The following GLUD2 variants were observed in gnomAD, a reference collection of about 807,000 sequenced individuals.
The protein encoded by GLUD2 is glutamate dehydrogenase 2, also known as glutamate dehydrogenase 2, mitochondrial.
In GLUD2, 11 loss-of-function variants were observed where a neutral mutation model predicts 16.2. The ratio of observed to expected loss-of-function variants is 0.68; its 90% CI spans 0.43 to 1.13. The LOEUF (loss-of-function observed/expected upper bound fraction) is 1.13. Among genes scored for constraint, GLUD2 ranks in the 50% most tolerant of loss-of-function variants. GLUD2 has a pLI of 0.00. For synonymous variants in GLUD2, 147 were observed against 181.9 expected (o/e 0.81, Z 1.55); for missense variants, 360 against 456.4 (o/e 0.79, Z 1.93).
rs1015893520 is a variant in GLUD2, at chrX:121,048,675, G to C, written c.991G>C (p.Gly331Arg). ...HRFGAKCIAVGESDGSIWNPD... is the reference protein window; with the variant it reads ...HRFGAKCIAVRESDGSIWNPD... ...TTTTGGTGCTAAATGTATTGCTGTT[G>C]GTGAGTCTGATGGGAGTATATGGAA... The change falls in exon 1 of 1, where the codon GGT becomes CGT. Residue 331 changes from glycine (G) to arginine (R), a missense_variant. By Grantham distance (125) the Gly-to-Arg change is moderately radical. Coordinates refer to ENST00000328078, the MANE Select transcript of GLUD2 (RefSeq NM_012084.4). The C allele has an allele frequency of 1.7e-5, 21 of 1,211,293 alleles. No individual in the cohort carries two copies. Among genetic ancestry groups the C allele is most frequent in the Non-Finnish European group, 2.3e-5 (21 of 895,055 alleles).
At position 121,049,283 on chromosome X, in the gene GLUD2, C is replaced by T. The variant is rs1346430553; in HGVS notation, c.1599C>T (p.Asp533=). The stretch of plus-strand genomic sequence containing the variant: ...CCATGAAGTATAACCTGGGATTGGA[C>T]CTGAGAACAGCTGCCTATGTCAATG... ...HTAMKYNLGL[D]LRTAAYVNAI... Residue 533 remains aspartate, a synonymous_variant, in exon 1 of 1, where the codon GAC becomes GAT. Coordinates refer to ENST00000328078, the MANE Select transcript of GLUD2 (RefSeq NM_012084.4). The T allele has an allele frequency of 2.5e-6, 3 of 1,209,775 alleles. No individual in the cohort carries two copies. Among genetic ancestry groups the T allele is most frequent in the Admixed American group, 4.4e-5 (2 of 45,816 alleles).
At position 121,047,733 on chromosome X, in the gene GLUD2, G is replaced by A; in HGVS notation, c.49G>A (p.Ala17Thr). The A allele has an allele frequency of 1.8e-6, 2 of 1,100,431 alleles. No homozygotes were observed. The highest frequency in any genetic ancestry group is 1.2e-6 in the Non-Finnish European group (1 of 840,534). 90.7% of individuals were successfully genotyped at this position (1,100,431 alleles called of 1,213,427 possible). ...GCTGCTGCCGTCCCGGGCCGGGCCC[G>A]CTGCCCTGGGCTCCGCGGCCAACCA... ...KALLPSRAGP[A>T]ALGSAANHSA... The change falls in exon 1 of 1, where the codon GCT becomes ACT. Residue 17 changes from alanine to threonine, a missense_variant. Around this residue, in one of 3 missense-constraint regions of GLUD2, gnomAD observed 58 missense variants for 49.9 expected, o/e 1.16. Transcript: ENST00000328078.
chrX:121,049,646 C>T lies in GLUD2; in HGVS notation c.*285C>T. ...TGCAGCCTTGCTCTGTGGCTTTTCC[C>T]AGCACAATCAGTGCTAGTGCTGGGG... On this transcript the variant is annotated 3_prime_UTR_variant, in exon 1 of 1. Transcript: ENST00000328078. 2.6e-6 allele frequency: 1 copy of T among 379,322 alleles called. No homozygotes were observed. Among genetic ancestry groups the T allele is most frequent in the Non-Finnish European group, 4.8e-6 (1 of 208,093 alleles). 31.3% of individuals were successfully genotyped at this position (379,322 alleles called of 1,213,427 possible). A position where few individuals can be genotyped will look rare whatever the true frequency, so the allele number is the denominator to read the frequency against.
chrX:121,048,192 T>G lies in GLUD2; in HGVS notation c.508T>G (p.Tyr170Asp). 1 of 1,211,982 alleles carries G rather than the reference T, an allele frequency of 8.3e-7. No homozygotes were observed. The highest frequency in any genetic ancestry group is 1.1e-6 in the Non-Finnish European group (1 of 895,565). Residue 170 changes from tyrosine (Y) to aspartate (D), a missense_variant, in exon 1 of 1, where the codon TAC becomes GAC. Around this residue, in one of 3 missense-constraint regions of GLUD2, gnomAD observed 279 missense variants for 352.9 expected, o/e 0.79. Coordinates refer to ENST00000328078, the MANE Select transcript of GLUD2 (RefSeq NM_012084.4). ...EVKALASLMT[Y>D]KCAVVDVPFG... ...AAAAGCTTTGGCTTCTCTGATGACATACAAGTGTGCAGTGGTTGATGTGCC... is the reference window on the plus strand; with the variant it reads ...AAAAGCTTTGGCTTCTCTGATGACAGACAAGTGTGCAGTGGTTGATGTGCC...
rs747571534 is a variant in GLUD2, at chrX:121,048,287, C to G, written c.603C>G (p.Ile201Met). 1 of 1,211,621 alleles carries G rather than the reference C, an allele frequency of 8.3e-7. No homozygotes were observed. Among genetic ancestry groups the G allele is most frequent in the Non-Finnish European group, 1.1e-6 (1 of 895,365 alleles). ...ATACCGAAAATGAATTGGAAAAGAT[C>G]ACAAGGAGGTTCACCATGGAGCTAG... is the stretch of plus-strand genomic sequence containing the variant. Reference protein sequence around the residue: ...KNYTENELEKITRRFTMELAK... With the variant: ...KNYTENELEKMTRRFTMELAK... The change falls in exon 1 of 1, where the codon ATC (isoleucine) becomes ATG (methionine). Residue 201 changes from isoleucine (I) to methionine (M), a missense_variant. Ile to Met is a conservative substitution (Grantham distance 10). Coordinates refer to ENST00000328078, the MANE Select transcript of GLUD2 (RefSeq NM_012084.4).
At position 121,048,523 on chromosome X, in the gene GLUD2, T is replaced by C; in HGVS notation, c.839T>C (p.Ile280Thr). The change falls in exon 1 of 1, where the codon ATT (isoleucine) becomes ACT (threonine). Residue 280 changes from isoleucine to threonine, a missense_variant. Physicochemically the swap from Ile to Thr is moderately conservative, Grantham distance 89. This residue lies in a region of GLUD2 where 279 missense variants were observed against 352.9 expected (regional missense o/e 0.79). Coordinates refer to ENST00000328078, the MANE Select transcript of GLUD2 (RefSeq NM_012084.4). Reference protein sequence around the residue: ...SATGRGVFHGIENFINEASYM... With the variant: ...SATGRGVFHGTENFINEASYM... ...ACTGGCCGTGGTGTCTTCCATGGGA[T>C]TGAAAACTTCATCAATGAAGCTTCT... 8.3e-7 allele frequency: 1 copy of C among 1,211,951 alleles called. No homozygotes were observed. The highest frequency in any genetic ancestry group is 1.1e-6 in the Non-Finnish European group (1 of 895,505).
chrX:121,048,789 G>A lies in GLUD2; in HGVS notation c.1105G>A (p.Gly369Arg). Residue 369 changes from glycine to arginine, a missense_variant, in exon 1 of 1, where the codon GGA becomes AGA. This residue lies in a region of GLUD2 where 279 missense variants were observed against 352.9 expected (regional missense o/e 0.79). Coordinates refer to ENST00000328078, the MANE Select transcript of GLUD2 (RefSeq NM_012084.4). ...LGFPKAKPYE[G>R]SILEVDCDIL... ...CTTCCCCAAGGCAAAGCCCTATGAA[G>A]GAAGCATCTTGGAGGTCGACTGTGA... 5 of 1,211,831 alleles carry A rather than the reference G, an allele frequency of 4.1e-6. No homozygotes were observed. The highest frequency in any genetic ancestry group is 5.6e-6 in the Non-Finnish European group (5 of 895,580).
chrX:121,047,690 C>A lies in GLUD2; in HGVS notation c.6C>A (p.Tyr2Ter). 1 of 1,089,860 alleles carries A rather than the reference C, an allele frequency of 9.2e-7. No homozygotes were observed. The highest frequency in any genetic ancestry group is 1.2e-6 in the Non-Finnish European group (1 of 832,130). The allele number at this position is 1,089,860 out of a possible 1,213,427, so 89.8% of individuals were successfully genotyped here. A position where few individuals can be genotyped will look rare whatever the true frequency, so the allele number is the denominator to read the frequency against. ...CCCCTCCTCCGCCTGCCGCGATGTACCGCTACCTGGCCAAAGCGCTGCTGC... is the reference window on the plus strand; with the variant it reads ...CCCCTCCTCCGCCTGCCGCGATGTAACGCTACCTGGCCAAAGCGCTGCTGC... M[Y>*]RYLAKALLPS... is the part of the protein sequence containing the mutation. The change falls in exon 1 of 1, where the codon TAC becomes TAA. Residue 2 changes from tyrosine (Y) to a stop codon, truncating the protein, a stop_gained. Coordinates refer to ENST00000328078, the MANE Select transcript of GLUD2 (RefSeq NM_012084.4). LOFTEE classifies it high-confidence loss of function.
chrX:121,049,015 A>C lies in GLUD2; in HGVS notation c.1331A>C (p.Lys444Thr). The change falls in exon 1 of 1, where the codon AAG becomes ACG. Residue 444 changes from lysine (K) to threonine (T), a missense_variant. Around this residue, in one of 3 missense-constraint regions of GLUD2, gnomAD observed 279 missense variants for 352.9 expected, o/e 0.79. Transcript: ENST00000328078. ...GVTVSYFEWLKNLNHVSYGRL... is the reference protein window; with the variant it reads ...GVTVSYFEWLTNLNHVSYGRL... ...ACAGTATCTTACTTTGAGTGGCTGA[A>C]GAATCTAAATCATGTCAGCTATGGC... is the stretch of plus-strand genomic sequence containing the variant. The C allele has an allele frequency of 1.7e-6, 2 of 1,211,757 alleles. No individual in the cohort carries two copies. Among genetic ancestry groups the C allele is most frequent in the Non-Finnish European group, 2.2e-6 (2 of 895,202 alleles).
Position 121,048,441 on chromosome X carries a change from G to T in GLUD2, c.757G>T (p.Ala253Ser), listed in dbSNP as rs1456325344. 9.1e-6 allele frequency: 11 copies of T among 1,211,437 alleles called. No homozygotes were observed. Among genetic ancestry groups the T allele is most frequent in the Non-Finnish European group, 1.1e-5 (10 of 895,450 alleles). The change falls in exon 1 of 1, where the codon GCC (alanine) becomes TCC (serine). Residue 253 changes from alanine to serine, a missense_variant. This residue lies in a region of GLUD2 where 279 missense variants were observed against 352.9 expected (regional missense o/e 0.79). Transcript: ENST00000328078. ...TIGHYDINAH[A>S]CVTGKPISQG... is the part of the protein sequence containing the mutation. ...AGGGCACTATGATATTAATGCACACGCCTGTGTTACTGGTAAACCCATCAG... is the reference window on the plus strand; with the variant it reads ...AGGGCACTATGATATTAATGCACACTCCTGTGTTACTGGTAAACCCATCAG...
Position 121,048,714 on chromosome X carries a change from G to T in GLUD2, c.1030G>T (p.Asp344Tyr), listed in dbSNP as rs750951438. The T allele has an allele frequency of 1.7e-6, 2 of 1,211,457 alleles. No homozygotes were observed. Among genetic ancestry groups the T allele is most frequent in the Admixed American group, 4.3e-5 (2 of 46,049 alleles). The change falls in exon 1 of 1, where the codon GAC becomes TAC. Residue 344 changes from aspartate to tyrosine, a missense_variant. Physicochemically the swap from Asp to Tyr is radical, Grantham distance 160 (BLOSUM62 -3). Transcript: ENST00000328078. Reference sequence around the variant, plus strand: ...GAGTATATGGAATCCAGATGGTATTGACCCAAAGGAACTGGAAGACTTCAA... The same window carrying T: ...GAGTATATGGAATCCAGATGGTATTTACCCAAAGGAACTGGAAGACTTCAA... ...DGSIWNPDGI[D>Y]PKELEDFKLQ...
At position 121,049,532 on chromosome X, in the gene GLUD2, A is replaced by G. The variant is rs12834131; in HGVS notation, c.*171A>G. On this transcript the variant is annotated 3_prime_UTR_variant, in exon 1 of 1. Transcript: ENST00000328078. ...CCGTTAAGGAGAAAGAAATTAATATACAAGCTGAGTGTGAAAGTAGAAATC... is the reference window on the plus strand; with the variant it reads ...CCGTTAAGGAGAAAGAAATTAATATGCAAGCTGAGTGTGAAAGTAGAAATC... 5.6e-6 allele frequency: 3 copies of G among 535,000 alleles called. No individual in the cohort carries two copies. The South Asian group carries it at 8.2e-5, about 15-fold the overall frequency. The allele number at this position is 535,000 out of a possible 1,213,427, so 44.1% of individuals were successfully genotyped here.
In GLUD2 at chrX:121,047,674, C is replaced by G; in HGVS notation, c.-11C>G. 9.4e-7 allele frequency: 1 copy of G among 1,058,360 alleles called. No individual in the cohort carries two copies. The highest frequency in any genetic ancestry group is 1.2e-6 in the Non-Finnish European group (1 of 813,066). 87.2% of individuals were successfully genotyped at this position (1,058,360 alleles called of 1,213,427 possible). The stretch of plus-strand genomic sequence containing the variant: ...CCGCGACCGTCACGCACCCCTCCTC[C>G]GCCTGCCGCGATGTACCGCTACCTG... On this transcript the variant is annotated 5_prime_UTR_variant, in exon 1 of 1. Coordinates refer to ENST00000328078, the MANE Select transcript of GLUD2 (RefSeq NM_012084.4).
rs1314141329 is a variant in GLUD2 at position 121,048,830 on chromosome X, T to C, written c.1146T>C (p.Ala382=). ...LEVDCDILIP[A]ATEKQLTKSN... ...TCGACTGTGACATACTGATCCCAGCTGCCACTGAGAAGCAGTTGACCAAAT... is the reference window on the plus strand; with the variant it reads ...TCGACTGTGACATACTGATCCCAGCCGCCACTGAGAAGCAGTTGACCAAAT... Residue 382 remains alanine (A), a synonymous_variant, in exon 1 of 1, where the codon GCT becomes GCC. Coordinates refer to ENST00000328078, the MANE Select transcript of GLUD2 (RefSeq NM_012084.4). The C allele has an allele frequency of 4.1e-6, 5 of 1,211,910 alleles. No individual in the cohort carries two copies. Among genetic ancestry groups the C allele is most frequent in the Non-Finnish European group, 5.6e-6 (5 of 895,578 alleles).
chrX:121,049,209 G>T lies in GLUD2; in HGVS notation c.1525G>T (p.Ala509Ser). 3 of 1,211,732 alleles carry T rather than the reference G, an allele frequency of 2.5e-6. No individual in the cohort carries two copies. Among genetic ancestry groups the T allele is most frequent in the Non-Finnish European group, 3.4e-6 (3 of 895,243 alleles). The stretch of plus-strand genomic sequence containing the variant: ...ATCTGAGAAAGACATTGTGCACTCT[G>T]CCTTGGCATACACAATGGAGCGTTC... ...GASEKDIVHS[A>S]LAYTMERSAR... Residue 509 changes from alanine (A) to serine (S), a missense_variant, in exon 1 of 1, where the codon GCC (alanine) becomes TCC (serine). Physicochemically the swap from Ala to Ser is moderately conservative, Grantham distance 99. Transcript: ENST00000328078.
Position 121,047,732 on chromosome X carries a change from C to T in GLUD2, c.48C>T (p.Pro16=). The T allele has an allele frequency of 1.8e-6, 2 of 1,109,927 alleles. No individual in the cohort carries two copies. The highest frequency in any genetic ancestry group is 1.2e-6 in the Non-Finnish European group (1 of 844,633). 91.5% of individuals were successfully genotyped at this position (1,109,927 alleles called of 1,213,427 possible). ...AKALLPSRAG[P]AALGSAANHS... ...CGCTGCTGCCGTCCCGGGCCGGGCC[C>T]GCTGCCCTGGGCTCCGCGGCCAACC... The change falls in exon 1 of 1, where the codon CCC becomes CCT. Residue 16 remains proline (P), a synonymous_variant. Transcript: ENST00000328078.
Position 121,048,682 on chromosome X carries a change from C to G in GLUD2, c.998C>G (p.Ser333Cys). 8.3e-7 allele frequency: 1 copy of G among 1,211,224 alleles called. No individual in the cohort carries two copies. The highest frequency in any genetic ancestry group is 1.1e-6 in the Non-Finnish European group (1 of 895,065). The change falls in exon 1 of 1, where the codon TCT becomes TGT. Residue 333 changes from serine (S) to cysteine (C), a missense_variant. Physicochemically the swap from Ser to Cys is moderately radical, Grantham distance 112. Coordinates refer to ENST00000328078, the MANE Select transcript of GLUD2 (RefSeq NM_012084.4). ...FGAKCIAVGE[S>C]DGSIWNPDGI... ...GCTAAATGTATTGCTGTTGGTGAGT[C>G]TGATGGGAGTATATGGAATCCAGAT...
Position 121,047,800 on chromosome X carries a change from C to A in GLUD2, c.116C>A (p.Ala39Asp). 1.7e-6 allele frequency: 2 copies of A among 1,205,865 alleles called. No individual in the cohort carries two copies. Among genetic ancestry groups the A allele is most frequent in the Non-Finnish European group, 2.2e-6 (2 of 893,293 alleles). Residue 39 changes from alanine to aspartate, a missense_variant, in exon 1 of 1, where the codon GCC becomes GAC. By Grantham distance (126) the Ala-to-Asp change is moderately radical (BLOSUM62 -2). Transcript: ENST00000328078. ...GGCCGGGGCCGCGGACAGCCCGCCG[C>A]CGCCTCGCAGCCGGGGCTCGCATTG... ...LLGRGRGQPAAASQPGLALAA... is the reference protein window; with the variant it reads ...LLGRGRGQPADASQPGLALAA...
Position 121,048,583 on chromosome X carries a change from G to C in GLUD2, c.899G>C (p.Arg300Thr). ...MSILGMTPGFRDKTFVVQGFG... is the reference protein window; with the variant it reads ...MSILGMTPGFTDKTFVVQGFG... ...ATTTTAGGAATGACACCAGGGTTTA[G>C]AGATAAAACATTTGTTGTTCAGGGA... The change falls in exon 1 of 1, where the codon AGA becomes ACA. Residue 300 changes from arginine to threonine, a missense_variant. Arg to Thr is a moderately conservative substitution (Grantham distance 71). This residue lies in a region of GLUD2 where 279 missense variants were observed against 352.9 expected (regional missense o/e 0.79). Transcript: ENST00000328078. 8.3e-7 allele frequency: 1 copy of C among 1,211,962 alleles called. No homozygotes were observed. The highest frequency in any genetic ancestry group is 1.1e-6 in the Non-Finnish European group (1 of 895,559).
Sources: gnomAD v4.1 joint callset for allele counts on GRCh38, gnomAD v4.1.1 for gene constraint, gnomAD v4.1.1 regional missense constraint, MANE v1.5 for transcripts, NCBI Gene and HGNC (gene_info 2026-07-23, HGNC 2026-07-21) for gene names.